Variants in SLC4A5 observed in about 807,000 individuals in gnomAD.
SLC4A5 encodes the protein electrogenic sodium bicarbonate cotransporter 4.
In SLC4A5, 96 loss-of-function variants were observed where a neutral mutation model predicts 120.4. The observed-to-expected ratio is 0.80, with a 90% confidence interval of 0.68 to 0.94. The LOEUF is 0.94. SLC4A5 is among the 40% of genes least tolerant of loss of function. The pLI is 0.00. For missense variants in SLC4A5, 1,259 were observed against 1,459.5 expected, an observed-to-expected ratio of 0.86 and a Z score of 2.24; for synonymous variants, 550 against 571.1, an observed-to-expected ratio of 0.96 and a Z score of 0.53.
intron 7 of SLC4A5, among the ~76,000 whole-genome samples, chr2:74,295,223 T>C (rs1672291925): frequency 6.8e-6 from 1 of 147,204 alleles, no homozygotes; most frequent in Admixed American, 6.8e-5. Flanking sequence ...TGATGGGGGG[T>C]GGGAGTTGCC....
At chr2:74,318,931 A>C (rs1414949983) in intron 5 of SLC4A5, among the ~76,000 whole-genome samples, 1 of 152,214 alleles carries the variant, frequency 6.6e-6, no homozygotes, top group East Asian at 1.9e-4. Context: ...TATTCACAAT[A>C]GCAAAGATAT....
intron 14 of SLC4A5, among the ~76,000 whole-genome samples, chr2:74,254,172 T>G (rs1670883563): frequency 6.6e-6 from 1 of 152,200 alleles, no homozygotes. Flanking sequence ...TTACAGGCTC[T>G]GTGTAGTCTC....
intron 8 of SLC4A5, among the ~76,000 whole-genome samples, chr2:74,277,787 G>A (rs1309527930): frequency 6.6e-6 from 1 of 151,984 alleles, no homozygotes. Context: ...TTATAGTAAG[G>A]AATTTTTCTC....
At chr2:74,250,714 C>G (rs1265115740) in intron 16 of SLC4A5, 197 bp from the exon 17 acceptor site, 3 of 601,786 alleles carry the variant, frequency 5.0e-6, no homozygotes, top group Non-Finnish European at 8.6e-6. Context: ...GCACCACCCA[C>G]ATTGGGAAGG....
At chr2:74,269,789 T>C (rs968136146) in intron 8 of SLC4A5, among the ~76,000 whole-genome samples, 3 of 152,140 alleles carry the variant, frequency 2.0e-5, no homozygotes, top group African/African-American at 7.2e-5. Flanking sequence ...GGCCAGACAG[T>C]CTCAGGCAGC....
At chr2:74,252,864 A>T in intron 15 of SLC4A5, 110 bp downstream of exon 15, 1 of 1,318,762 alleles carries the variant, frequency 7.6e-7, no homozygotes. Flanking sequence ...TTGAGATTAC[A>T]GGCATGAGCC....
At chr2:74,227,854 C>G (rs1339326876) in exon 26 of SLC4A5, 1 of 1,610,674 alleles carries the variant, frequency 6.2e-7, no homozygotes. Flanking sequence ...AGGAAGACTC[C>G]GTACAGCACC....
chr2:74,244,219 AATCTTAC>A (rs1670534803), intron 19 of SLC4A5, among the ~76,000 whole-genome samples: 1 of 152,198 alleles, frequency 6.6e-6, no homozygotes, highest in African/African-American at 2.4e-5. Flanking sequence ...CTGAAATTTT[AATCTTAC>A]TGGGGTTTAG....
chr2:74,236,778 C>T (rs751927873), intron 21 of SLC4A5, among the ~76,000 whole-genome samples: 26 of 152,064 alleles, frequency 1.7e-4, no homozygotes, highest in Non-Finnish European at 2.8e-4. Context: ...CAAATATGGG[C>T]AACTTCATAT....
At chr2:74,244,020 C>T (rs1670528935) in intron 19 of SLC4A5, among the ~76,000 whole-genome samples, 1 of 152,186 alleles carries the variant, frequency 6.6e-6, no homozygotes, top group Non-Finnish European at 1.5e-5. Context: ...TATAGTAAGA[C>T]TGGGCTTCGC....
intron 19 of SLC4A5, among the ~76,000 whole-genome samples, chr2:74,246,771 C>A (rs939993951): frequency 6.6e-6 from 1 of 152,190 alleles, no homozygotes; most frequent in Non-Finnish European, 1.5e-5. Context: ...TCCACATTAC[C>A]CCACACTGAG....
chr2:74,269,251 G>C (rs1224405883), intron 8 of SLC4A5, among the ~76,000 whole-genome samples: 1 of 152,010 alleles, frequency 6.6e-6, no homozygotes, highest in African/African-American at 2.4e-5. Flanking sequence ...TCATCGCCCA[G>C]GCTGGAGTGC....
At chr2:74,223,352 G>A (rs1694725177) in intron 28 of SLC4A5, among the ~76,000 whole-genome samples, 1 of 152,162 alleles carries the variant, frequency 6.6e-6, no homozygotes, top group South Asian at 2.1e-4. Context: ...CATGAACATT[G>A]CAAACCACCA....
At chr2:74,321,024 T>C (rs1338201142) in intron 5 of SLC4A5, among the ~76,000 whole-genome samples, 3 of 152,250 alleles carry the variant, frequency 2.0e-5, no homozygotes, top group Non-Finnish European at 2.9e-5. Context: ...ATTCCACCGA[T>C]ACGCATTGGT....
At chr2:74,308,015 C>T (rs774640761) in intron 6 of SLC4A5, 38 of 539,492 alleles carry the variant, frequency 7.0e-5, no homozygotes, top group South Asian at 1.3e-4. Context: ...TCATGCTGTC[C>T]GGGGAGGAGA....
intron 3 of SLC4A5, among the ~76,000 whole-genome samples, chr2:74,334,928 G>A (rs964707652): frequency 3.9e-5 from 6 of 152,068 alleles, no homozygotes; most frequent in Admixed American, 6.5e-5. Context: ...CTGAGGAGGC[G>A]GGGAGGGGGA....
intron 15 of SLC4A5, 116 bp from the exon 16 acceptor site, chr2:74,252,504 T>G: frequency 2.4e-6 from 3 of 1,241,104 alleles, no homozygotes; most frequent in Admixed American, 2.1e-5. Flanking sequence ...TGTCTAACAA[T>G]ATCCACACGC....
At chr2:74,223,837 G>T (rs1251184168) in intron 28 of SLC4A5, among the ~76,000 whole-genome samples, 1 of 152,192 alleles carries the variant, frequency 6.6e-6, no homozygotes. Flanking sequence ...GACCAGGGGA[G>T]TTCTGACTGA....
chr2:74,237,401 G>T (rs933343699), intron 21 of SLC4A5, among the ~76,000 whole-genome samples: 3 of 152,196 alleles, frequency 2.0e-5, no homozygotes, highest in Non-Finnish European at 2.9e-5. Flanking sequence ...GACTGCTTGA[G>T]AATTTTTACA....
Sources: allele counts gnomAD v4.1 joint callset (sites outside exome capture counted in the v4.1 genomes callset), GRCh38; gene constraint gnomAD v4.1.1; transcripts MANE v1.5; gene names NCBI Gene and HGNC (gene_info 2026-07-23, HGNC 2026-07-21).